KCNQ1: variants seen among roughly 807,000 people sequenced by gnomAD.
The protein encoded by KCNQ1 is potassium voltage-gated channel subfamily KQT member 1.
Under a neutral mutation model 72.4 loss-of-function variants are expected in KCNQ1, and 49 were observed. The observed-to-expected ratio is 0.68, with a 90% CI of 0.54 to 0.86. KCNQ1 has a LOEUF of 0.86. Among genes scored for constraint, KCNQ1 ranks in the 40% least tolerant of loss-of-function variants. KCNQ1 has a pLI of 0.00. For synonymous variants in KCNQ1, 450 were observed against 412.6 expected (o/e 1.09, Z -1.10); for missense variants, 790 against 945.1 (o/e 0.84, Z 2.15).
chr11:2,707,911 G>A (rs1489111475), intron 11 of KCNQ1, among the ~76,000 whole-genome samples: 1 of 152,190 alleles, frequency 6.6e-6, no homozygotes. Context: ...GTGTGCCTTG[G>A]CCCACATTTG....
intron 10 of KCNQ1, chr11:2,609,704 T>A (rs1282136004): frequency 2.5e-6 from 1 of 398,262 alleles, no homozygotes; most frequent in African/African-American, 2.1e-5. Flanking sequence ...TAGTTCTCTA[T>A]TGTTAGGTGA....
In KCNQ1 at chr11:2,565,498, T is replaced by C. The variant is rs1327408438; in HGVS notation, c.478-5130T>C. ...TAGGAACTTTGGTTTTTTAAATAAT[T>C]TTAAAGCACACAAATAAGACACCTG... is the stretch of plus-strand genomic sequence containing the variant. On this transcript the variant is annotated intron_variant, in intron 2 of 15. Transcript: ENST00000155840. This position sits in a 1 kb window ranked among gnomAD's most constrained non-coding sequence, Gnocchi z 5.6. Among the ~76,000 whole-genome samples, 1 of 152,168 alleles carries C rather than the reference T, an allele frequency of 6.6e-6. No homozygotes were observed. Among genetic ancestry groups the C allele is most frequent in the Non-Finnish European group, 1.5e-5 (1 of 68,034 alleles).
chr11:2,653,483 A>C lies in KCNQ1; in HGVS notation c.1394-8478A>C, dbSNP rs1231593804. 2 of 398,508 alleles carry C rather than the reference A, an allele frequency of 5.0e-6. No individual in the cohort carries two copies. The highest frequency in any genetic ancestry group is 4.1e-5 in the African/African-American group (2 of 48,608). The allele number at this position is 398,508 out of a possible 1,614,324, so 24.7% of individuals were successfully genotyped here. ...ACAGCTGGACCCAGCTGTTTCAGAC[A>C]CAGCTGGACCCCAGAGCTGAGATGA... On this transcript the variant is annotated intron_variant, in intron 10 of 15. Coordinates refer to ENST00000155840, the MANE Select transcript of KCNQ1 (RefSeq NM_000218.3). The surrounding 1 kb of genome is among the most constrained non-coding windows in gnomAD (Gnocchi z 5.3).
At chr11:2,576,815 G>A (rs1267485935) in intron 6 of KCNQ1, among the ~76,000 whole-genome samples, 1 of 152,228 alleles carries the variant, frequency 6.6e-6, no homozygotes, top group East Asian at 1.9e-4. Flanking sequence ...GGAAGAGCTG[G>A]GGAAGCCAAG....
chr11:2,776,766 C>T (rs945848510), intron 13 of KCNQ1, among the ~76,000 whole-genome samples: 17 of 152,210 alleles, frequency 1.1e-4, no homozygotes, highest in African/African-American at 2.9e-4. Flanking sequence ...GGCAGCCCAC[C>T]GACTCCCCCT....
At chr11:2,448,246 G>C (rs1846073413) in intron 1 of KCNQ1, among the ~76,000 whole-genome samples, 1 of 152,176 alleles carries the variant, frequency 6.6e-6, no homozygotes, top group Non-Finnish European at 1.5e-5. Flanking sequence ...TTTGAGGGGG[G>C]ACCTGCAGTG....
intron 10 of KCNQ1, chr11:2,640,682 A>G (rs1356676293): frequency 2.5e-6 from 1 of 398,132 alleles, no homozygotes; most frequent in Non-Finnish European, 4.4e-6. Context: ...TCATCTCTAT[A>G]GTTAGGAACA....
rs1044770954 is a variant in KCNQ1 at position 2,642,180 on chromosome 11, C to T, written c.1394-19781C>T. The T allele has an allele frequency of 1.3e-4, 52 of 398,158 alleles. 2 individuals are homozygous for T. The highest frequency in any genetic ancestry group is 4.4e-6 in the Non-Finnish European group (1 of 225,894). 24.7% of individuals were successfully genotyped at this position (398,158 alleles called of 1,614,324 possible). On this transcript the variant is annotated intron_variant, in intron 10 of 15. Coordinates refer to ENST00000155840, the MANE Select transcript of KCNQ1 (RefSeq NM_000218.3). This position sits in a 1 kb window ranked among gnomAD's most constrained non-coding sequence, Gnocchi z 4.3. The stretch of plus-strand genomic sequence containing the variant: ...AATGGCATTGGTATTTTGAGAGAGA[C>T]TGCATTGAATCTGTAGATTGCTTTG...
Position 2,627,777 on chromosome 11 carries a change from G to A in KCNQ1, c.1394-34184G>A. On this transcript the variant is annotated intron_variant, in intron 10 of 15. Coordinates refer to ENST00000155840, the MANE Select transcript of KCNQ1 (RefSeq NM_000218.3). The surrounding 1 kb of genome is among the most constrained non-coding windows in gnomAD (Gnocchi z 4.9). ...TTTCTTCCTTTCTTTTTGAGACAGG[G>A]TCTCCATCTGTCATCCAGGCAGGAG... 1 of 398,296 alleles carries A rather than the reference G, an allele frequency of 2.5e-6. No homozygotes were observed. Among genetic ancestry groups the A allele is most frequent in the Middle Eastern group, 6.3e-4 (1 of 1,588 alleles). 24.7% of individuals were successfully genotyped at this position (398,296 alleles called of 1,614,324 possible).
At position 2,807,098 on chromosome 11, in the gene KCNQ1, C is replaced by T. The variant is rs1042690250; in HGVS notation, c.1794+29061C>T. On this transcript the variant is annotated intron_variant, in intron 15 of 15. Transcript: ENST00000155840. ...TTGTCACAGAATGAAGTAAATGGGA[C>T]GATGAAGGGGCAGTGTTTAAATGGC... 9.9e-5 allele frequency among the ~76,000 whole-genome samples: 15 copies of T among 152,280 alleles called. No homozygotes were observed. The South Asian group carries it at 1.9e-3, about 19-fold the overall frequency.
chr11:2,561,755 A>G (rs1332803575), intron 2 of KCNQ1, among the ~76,000 whole-genome samples: 2 of 151,754 alleles, frequency 1.3e-5, no homozygotes, highest in East Asian at 3.9e-4. Flanking sequence ...CCCCCACCAT[A>G]CTCCCAGTGC....
Position 2,648,819 on chromosome 11 carries a change from A to G in KCNQ1, c.1394-13142A>G, listed in dbSNP as rs544033655. On this transcript the variant is annotated intron_variant, in intron 10 of 15. Transcript: ENST00000155840. ...TGAGTATGAAATGTTGCCATCCCTA[A>G]CTATTATTGTATTGGGGTCTATCTC... 102 of 398,400 alleles carry G rather than the reference A, an allele frequency of 2.6e-4. 1 individual carries two copies. Among genetic ancestry groups the G allele is most frequent in the African/African-American group, 1.8e-3 (88 of 48,700 alleles). The allele number at this position is 398,400 out of a possible 1,614,324, so 24.7% of individuals were successfully genotyped here.
rs1009683548 is a variant in KCNQ1 at position 2,674,831 on chromosome 11, TTAAAA to T, written c.1514+12751_1514+12755del. On this transcript the variant is annotated intron_variant, in intron 11 of 15. Transcript: ENST00000155840. This position sits in a 1 kb window ranked among gnomAD's most constrained non-coding sequence, Gnocchi z 5.9. ...GGCTTGTCACCCTAATAGCTGTTTT[TTAAAA>T]AAAAAAAAAAAAAAAAAAAAAAAAG... 35 of 367,652 alleles carry T rather than the reference TTAAAA, an allele frequency of 9.5e-5. No individual in the cohort carries two copies. The highest frequency in any genetic ancestry group is 2.6e-4 in the East Asian group (7 of 26,700). 22.8% of individuals were successfully genotyped at this position (367,652 alleles called of 1,614,324 possible). A position where few individuals can be genotyped will look rare whatever the true frequency, so the allele number is the denominator to read the frequency against.
intron 1 of KCNQ1, among the ~76,000 whole-genome samples, chr11:2,489,112 C>A (rs1228502339): frequency 1.3e-5 from 2 of 152,202 alleles, no homozygotes; most frequent in African/African-American, 4.8e-5. Flanking sequence ...ATCACAGTAT[C>A]TGCTTTTAAC....
At chr11:2,823,401 A>G (rs1847778686) in intron 15 of KCNQ1, among the ~76,000 whole-genome samples, 1 of 152,254 alleles carries the variant, frequency 6.6e-6, no homozygotes, top group African/African-American at 2.4e-5. Flanking sequence ...TCACTGCAGG[A>G]AAAAAGTATA....
At position 2,657,358 on chromosome 11, in the gene KCNQ1, C is replaced by T; in HGVS notation, c.1394-4603C>T. On this transcript the variant is annotated intron_variant, in intron 10 of 15. Coordinates refer to ENST00000155840, the MANE Select transcript of KCNQ1 (RefSeq NM_000218.3). This position sits in a 1 kb window ranked among gnomAD's most constrained non-coding sequence, Gnocchi z 4.8. Reference sequence around the variant, plus strand: ...GTCATTGGAATGAAGGCATATTTCTCCATTTATATCTTCTTCATTGTCTCT... The same window carrying T: ...GTCATTGGAATGAAGGCATATTTCTTCATTTATATCTTCTTCATTGTCTCT... 2.5e-6 allele frequency: 1 copy of T among 398,586 alleles called. No homozygotes were observed. Among genetic ancestry groups the T allele is most frequent in the Non-Finnish European group, 4.4e-6 (1 of 226,050 alleles). The allele number at this position is 398,586 out of a possible 1,614,324, so 24.7% of individuals were successfully genotyped here.
intron 10 of KCNQ1, chr11:2,628,932 T>C: frequency 2.5e-6 from 1 of 398,392 alleles, no homozygotes; most frequent in Non-Finnish European, 4.4e-6. Flanking sequence ...CATAAATGTG[T>C]GGGTTTATTT....
At chr11:2,680,139 G>A (rs537790403) in intron 11 of KCNQ1, 31 of 391,060 alleles carry the variant, frequency 7.9e-5, no homozygotes, top group African/African-American at 5.2e-4. Flanking sequence ...TGATCTGCCC[G>A]CCTCAGCCTC....
intron 15 of KCNQ1, among the ~76,000 whole-genome samples, chr11:2,835,938 G>A (rs1848054513): frequency 6.6e-6 from 1 of 152,128 alleles, no homozygotes; most frequent in Non-Finnish European, 1.5e-5. Flanking sequence ...GCAGTGACAG[G>A]GTGATCGGGC....
Sources: allele counts gnomAD v4.1 joint callset (sites outside exome capture counted in the v4.1 genomes callset), GRCh38; gene constraint gnomAD v4.1.1; non-coding constraint Gnocchi (gnomAD v3.1); transcripts MANE v1.5; gene names NCBI Gene and HGNC (gene_info 2026-07-23, HGNC 2026-07-21).